Variants in SESTD1 observed in about 807,000 individuals in gnomAD.
SESTD1 encodes SEC14 and spectrin domain containing 1.
In SESTD1, 43 loss-of-function variants were observed where a neutral mutation model predicts 101.7. The ratio of observed to expected loss-of-function variants is 0.42; its 90% CI spans 0.33 to 0.55. SESTD1 has a LOEUF of 0.55. Ranked by LOEUF, SESTD1 falls within the 20% of genes least tolerant of loss-of-function variation. The pLI, the probability that SESTD1 is intolerant of heterozygous loss-of-function variation, is 0.07. For missense variants in SESTD1, 647 were observed against 815.1 expected, an observed-to-expected ratio of 0.79 and a Z score of 2.51; for synonymous variants, 283 against 286.8, an observed-to-expected ratio of 0.99 and a Z score of 0.13.
intron 1 of SESTD1, among the ~76,000 whole-genome samples, chr2:179,226,424 T>C (rs1398019409): frequency 6.6e-6 from 1 of 152,218 alleles, no homozygotes; most frequent in Non-Finnish European, 1.5e-5. Flanking sequence ...TTGTTAGGCC[T>C]TTCTCACTTT....
In SESTD1 at chr2:179,172,213, C is replaced by A. The variant is rs1267773311; in HGVS notation, c.276G>T (p.Val92=). The A allele has an allele frequency of 6.2e-7, 1 of 1,605,664 alleles. No homozygotes were observed. The highest frequency in any genetic ancestry group is 1.3e-5 in the African/African-American group (1 of 74,922). ...CTGGCTTTACCACACAAACAAGGGA[C>A]ACCTCAGCTGGAACAACATTCTATA... ...VMLQNVVPAE[V]SLVCVVKPDE... is the part of the protein sequence containing the mutation. The change falls in exon 5 of 18, where the codon GTG becomes GTT. Residue 92 remains valine, a synonymous_variant. Coordinates refer to ENST00000428443, the MANE Select transcript of SESTD1 (RefSeq NM_178123.5).
intron 17 of SESTD1, among the ~76,000 whole-genome samples, chr2:179,112,478 C>T (rs1015751268): frequency 6.6e-6 from 1 of 152,202 alleles, no homozygotes; most frequent in Non-Finnish European, 1.5e-5. Context: ...AACCCAGTGT[C>T]TTAATCTAGT....
chr2:179,121,969 A>C, intron 12 of SESTD1, 40 bp from the exon 13 acceptor site: 1 of 1,555,654 alleles, frequency 6.4e-7, no homozygotes, highest in Non-Finnish European at 8.7e-7. Flanking sequence ...TTACACAACT[A>C]AGGCGCTTTC....
intron 10 of SESTD1, among the ~76,000 whole-genome samples, chr2:179,127,285 G>A (rs1035674922): frequency 2.0e-5 from 3 of 152,230 alleles, no homozygotes; most frequent in Middle Eastern, 3.4e-3. Flanking sequence ...ATCATTTCAA[G>A]GTTTCTGATT....
In SESTD1 at chr2:179,208,527, A is replaced by T. The variant is rs1387684269; in HGVS notation, c.-25-16661T>A. Among the ~76,000 whole-genome samples the T allele has an allele frequency of 3.7e-5, 5 of 135,574 alleles. 2 individuals are homozygous for T. The highest frequency in any genetic ancestry group is 1.5e-4 in the African/African-American group (5 of 34,436). 88.9% of individuals were successfully genotyped at this position (135,574 alleles called of 152,430 possible). On this transcript the variant is annotated intron_variant, in intron 1 of 17. Coordinates refer to ENST00000428443, the MANE Select transcript of SESTD1 (RefSeq NM_178123.5). ...CTATCAGATTAACAGCAGATTTCTC[A>T]GCAGAAACCCTGCAAGCCAGAAGGG...
intron 9 of SESTD1, among the ~76,000 whole-genome samples, chr2:179,142,298 G>C (rs753054761): frequency 6.6e-6 from 1 of 152,220 alleles, no homozygotes; most frequent in Non-Finnish European, 1.5e-5. Context: ...CTCTAGAGTA[G>C]AGTCTAGTTC....
At position 179,143,613 on chromosome 2, in the gene SESTD1, C is replaced by G. The variant is rs1213701179; in HGVS notation, c.828G>C (p.Glu276Asp). The G allele has an allele frequency of 6.2e-7, 1 of 1,613,796 alleles. No homozygotes were observed. The highest frequency in any genetic ancestry group is 1.1e-5 in the South Asian group (1 of 91,050). ...CTACCTGCATTACCTTCTGTTGAAT[C>G]TCTTCTAACTGTGTGCGCTTGCTAC... ...RQRSKRTQLEEIQQKVMQVVN... is the reference protein window; with the variant it reads ...RQRSKRTQLEDIQQKVMQVVN... Residue 276 changes from glutamate to aspartate, a missense_variant, in exon 9 of 18, where the codon GAG (glutamate) becomes GAC (aspartate). Coordinates refer to ENST00000428443, the MANE Select transcript of SESTD1 (RefSeq NM_178123.5).
intron 1 of SESTD1, among the ~76,000 whole-genome samples, chr2:179,261,764 A>G (rs756531394): frequency 6.6e-6 from 1 of 152,134 alleles, no homozygotes; most frequent in Non-Finnish European, 1.5e-5. Context: ...GGAACCCTAC[A>G]TTGCTAGAAG....
intron 1 of SESTD1, among the ~76,000 whole-genome samples, chr2:179,198,171 C>A (rs201445568): frequency 1.3e-5 from 2 of 151,946 alleles, no homozygotes; most frequent in Non-Finnish European, 2.9e-5. Flanking sequence ...TAGTCTCTGA[C>A]AAAACAGACT....
chr2:179,160,218 A>C (rs1367087853), intron 5 of SESTD1, among the ~76,000 whole-genome samples: 1 of 152,178 alleles, frequency 6.6e-6, no homozygotes, highest in Non-Finnish European at 1.5e-5. Flanking sequence ...GTAAGAACAA[A>C]ATTAGAAAAG....
chr2:179,165,575 T>C (rs1014678369), intron 5 of SESTD1, among the ~76,000 whole-genome samples: 1 of 152,234 alleles, frequency 6.6e-6, no homozygotes, highest in African/African-American at 2.4e-5. Flanking sequence ...CCTTACTAGC[T>C]GGCTGAAGTC....
chr2:179,194,749 A>T (rs886447524), intron 1 of SESTD1, among the ~76,000 whole-genome samples: 13 of 152,194 alleles, frequency 8.5e-5, no homozygotes, highest in Admixed American at 3.9e-4. Context: ...ATTATGCCAA[A>T]CTAAGGGAAA....
At chr2:179,228,223 G>A (rs1293287699) in intron 1 of SESTD1, among the ~76,000 whole-genome samples, 1 of 152,130 alleles carries the variant, frequency 6.6e-6, no homozygotes, top group Non-Finnish European at 1.5e-5. Context: ...GGATGTATGT[G>A]TCTGTGTCTG....
In SESTD1 at chr2:179,109,530, T is replaced by C. The variant is rs1355552224; in HGVS notation, c.*369A>G. On this transcript the variant is annotated 3_prime_UTR_variant, in exon 18 of 18. Transcript: ENST00000428443. ...TACTGTCTAAATTTACTAAATCACC[T>C]GTGGAGGAAGGGCAACTTTTTTTTT... 2 of 393,368 alleles carry C rather than the reference T, an allele frequency of 5.1e-6. No homozygotes were observed. Among genetic ancestry groups the C allele is most frequent in the African/African-American group, 2.1e-5 (1 of 48,458 alleles). 24.4% of individuals were successfully genotyped at this position (393,368 alleles called of 1,614,324 possible). A position where few individuals can be genotyped will look rare whatever the true frequency, so the allele number is the denominator to read the frequency against.
At chr2:179,111,395 A>T (rs1476028338) in intron 17 of SESTD1, among the ~76,000 whole-genome samples, 1 of 152,210 alleles carries the variant, frequency 6.6e-6, no homozygotes, top group African/African-American at 2.4e-5. Flanking sequence ...TAAGTACTTT[A>T]TACTTATTTA....
At chr2:179,204,601 T>A (rs1285799466) in intron 1 of SESTD1, among the ~76,000 whole-genome samples, 1 of 134,760 alleles carries the variant, frequency 7.4e-6, no homozygotes, top group Non-Finnish European at 1.6e-5. Flanking sequence ...CAGGTTGCAG[T>A]CCTTGAGCTT....
At chr2:179,117,833 C>T (rs2044667044) in intron 13 of SESTD1, among the ~76,000 whole-genome samples, 1 of 152,190 alleles carries the variant, frequency 6.6e-6, no homozygotes, top group Middle Eastern at 3.4e-3. Flanking sequence ...AATGACAAAC[C>T]CTCTTAAAGA....
intron 16 of SESTD1, among the ~76,000 whole-genome samples, chr2:179,114,735 C>T (rs1407985592): frequency 6.6e-6 from 1 of 151,974 alleles, no homozygotes; most frequent in Non-Finnish European, 1.5e-5. Flanking sequence ...CCCTTCCAGG[C>T]ATAACGAAAG....
At chr2:179,239,103 G>A (rs147308593) in intron 1 of SESTD1, among the ~76,000 whole-genome samples, 291 of 152,166 alleles carry the variant, frequency 1.9e-3, no homozygotes, top group African/African-American at 6.5e-3. Flanking sequence ...CTTAGTATCT[G>A]ACAAAAGTAA....
Sources: gnomAD v4.1 joint callset for allele counts (sites outside exome capture counted in the v4.1 genomes callset) on GRCh38, gnomAD v4.1.1 for gene constraint, MANE v1.5 for transcripts, NCBI Gene and HGNC (gene_info 2026-07-23, HGNC 2026-07-21) for gene names.